Variants in TIGAR observed in about 807,000 individuals in gnomAD.
TIGAR encodes the protein TP53 induced glycolysis regulatory phosphatase, also known as fructose-2,6-bisphosphatase TIGAR.
In TIGAR, 7 loss-of-function variants were observed where a neutral mutation model predicts 17.9. The observed-to-expected ratio is 0.39, with a 90% CI of 0.22 to 0.73. The LOEUF is 0.73. Ranked by LOEUF, TIGAR falls within the 30% of genes least tolerant of loss-of-function variation. The pLI is 0.42. For missense variants in TIGAR, 258 were observed against 327.4 expected (o/e 0.79, Z 1.64); for synonymous variants, 94 against 108.6 (o/e 0.87, Z 0.84).
chr12:4,325,741 C>CA (rs11447841), intron 1 of TIGAR, among the ~76,000 whole-genome samples: 33,463 of 111,578 alleles, frequency 0.3, 4,753 homozygotes, highest in East Asian at 0.49. Context: ...AAACTCGTCT[C>CA]AAAAAAAAAA....
In TIGAR at chr12:4,357,965, C is replaced by G. The variant is rs560119934; in HGVS notation, c.*5274C>G. 9.9e-5 allele frequency among the ~76,000 whole-genome samples: 15 copies of G among 151,834 alleles called. No homozygotes were observed. The highest frequency in any genetic ancestry group is 3.9e-4 in the Admixed American group (6 of 15,234). ...GAAAAATAGAAAAAATTAGCCAGGC[C>G]TGGTGGCCGGCGCCTGTAGTCCCAG... On this transcript the variant is annotated 3_prime_UTR_variant, in exon 6 of 6. Coordinates refer to ENST00000179259, the MANE Select transcript of TIGAR (RefSeq NM_020375.3).
intron 3 of TIGAR, among the ~76,000 whole-genome samples, chr12:4,339,161 G>A (rs1212173310): frequency 6.6e-6 from 1 of 151,790 alleles, no homozygotes; most frequent in African/African-American, 2.4e-5. Flanking sequence ...AGACCTTTAG[G>A]TAGATTTAAC....
chr12:4,336,703 G>A (rs1204273945), intron 2 of TIGAR, among the ~76,000 whole-genome samples: 1 of 152,050 alleles, frequency 6.6e-6, no homozygotes, highest in Non-Finnish European at 1.5e-5. Flanking sequence ...TTAGATGATG[G>A]TCCTACCGCC....
intron 2 of TIGAR, 82 bp downstream of exon 2, chr12:4,331,399 G>A (rs890946310): frequency 7.7e-7 from 1 of 1,299,740 alleles, no homozygotes. Flanking sequence ...GTGGGGTGGG[G>A]TAGACTGGGG....
At chr12:4,346,622 G>A (rs921211943) in intron 3 of TIGAR, among the ~76,000 whole-genome samples, 9 of 152,090 alleles carry the variant, frequency 5.9e-5, no homozygotes, top group African/African-American at 2.2e-4. Context: ...GGGGGACGGG[G>A]GAGGGATAGC....
rs1184985005 is a variant in TIGAR, at chr12:4,355,836, CGA to C, written c.*3146_*3147del. ...TTATCCAGGATGGGCAGGGAGGACT[CGA>C]TGGTGTCAGCACTGAAGGATGTAAG... On this transcript the variant is annotated 3_prime_UTR_variant, in exon 6 of 6. Coordinates refer to ENST00000179259, the MANE Select transcript of TIGAR (RefSeq NM_020375.3). Among the ~76,000 whole-genome samples the C allele has an allele frequency of 6.6e-6, 1 of 152,026 alleles. No individual in the cohort carries two copies. Among genetic ancestry groups the C allele is most frequent in the African/African-American group, 2.4e-5 (1 of 41,358 alleles).
intron 1 of TIGAR, among the ~76,000 whole-genome samples, chr12:4,326,532 A>G (rs886196124): frequency 6.6e-6 from 1 of 152,186 alleles, no homozygotes; most frequent in Non-Finnish European, 1.5e-5. Flanking sequence ...GCCAAATAGA[A>G]CTAAACTGAA....
chr12:4,344,466 A>G (rs1030426381), intron 3 of TIGAR, among the ~76,000 whole-genome samples: 4 of 152,228 alleles, frequency 2.6e-5, no homozygotes, highest in Admixed American at 2.0e-4. Context: ...CATTGATGCA[A>G]AAATCCTCAA....
chr12:4,327,674 G>T (rs1034797254), intron 1 of TIGAR, among the ~76,000 whole-genome samples: 5 of 152,156 alleles, frequency 3.3e-5, no homozygotes, highest in African/African-American at 1.2e-4. Flanking sequence ...TAAATTAAGG[G>T]CTACAAGCCA....
At chr12:4,332,161 C>G (rs1489065258) in intron 2 of TIGAR, among the ~76,000 whole-genome samples, 1 of 151,730 alleles carries the variant, frequency 6.6e-6, no homozygotes, top group Non-Finnish European at 1.5e-5. Context: ...GTGTTCTTTT[C>G]CTGACCTTGT....
intron 3 of TIGAR, among the ~76,000 whole-genome samples, chr12:4,339,321 G>C (rs2120671536): frequency 6.6e-6 from 1 of 152,242 alleles, no homozygotes; most frequent in African/African-American, 2.4e-5. Flanking sequence ...CAAATTCCTA[G>C]ACACGTGCAA....
chr12:4,324,345 A>G (rs1429459677), intron 1 of TIGAR: 3 of 769,432 alleles, frequency 3.9e-6, no homozygotes, highest in Non-Finnish European at 4.3e-6. Context: ...TTTTTTGGAA[A>G]TATGTGTGCC....
chr12:4,331,077 T>C (rs1864598966), intron 1 of TIGAR, among the ~76,000 whole-genome samples: 1 of 152,258 alleles, frequency 6.6e-6, no homozygotes, highest in Non-Finnish European at 1.5e-5. Flanking sequence ...TTGGAGTAGT[T>C]TGAAATTCTT....
At chr12:4,351,173 C>A in intron 4 of TIGAR, 94 bp from the exon 5 acceptor site, 1 of 1,122,252 alleles carries the variant, frequency 8.9e-7, no homozygotes, top group Non-Finnish European at 1.3e-6. Flanking sequence ...TTAGCTTATT[C>A]CTGGGATGAA....
rs1439472380 is a variant in TIGAR, at chr12:4,337,108, A to G, written c.140A>G (p.Asn47Ser). 2.5e-6 allele frequency: 4 copies of G among 1,613,776 alleles called. No homozygotes were observed. Among genetic ancestry groups the G allele is most frequent in the East Asian group, 2.2e-5 (1 of 44,876 alleles). The change falls in exon 3 of 6, where the codon AAT becomes AGT. Residue 47 changes from asparagine (N) to serine (S), a missense_variant. Physicochemically the swap from Asn to Ser is conservative, Grantham distance 46 (BLOSUM62 1). Coordinates refer to ENST00000179259, the MANE Select transcript of TIGAR (RefSeq NM_020375.3). ...KQAAAAGIFL[N>S]NVKFTHAFSS... The stretch of plus-strand genomic sequence containing the variant: ...GCAGCAGCTGCTGGTATATTTCTGA[A>G]TAATGTGAAGTTTACTCATGCTTTC...
intron 2 of TIGAR, among the ~76,000 whole-genome samples, chr12:4,332,121 C>T (rs1864609235): frequency 6.6e-6 from 1 of 151,766 alleles, no homozygotes; most frequent in Non-Finnish European, 1.5e-5. Context: ...TTTCCTAAGA[C>T]ATTGACAATG....
intron 5 of TIGAR, 101 bp from the exon 6 acceptor site, chr12:4,352,159 A>G (rs1864843444): frequency 2.1e-6 from 2 of 938,882 alleles, no homozygotes. Context: ...AGTACTTGGC[A>G]TTCAATATTA....
chr12:4,322,083 G>C (rs1323274965), intron 1 of TIGAR, among the ~76,000 whole-genome samples: 1 of 151,952 alleles, frequency 6.6e-6, no homozygotes, highest in Non-Finnish European at 1.5e-5. Flanking sequence ...GCAACCTCCC[G>C]CCTCCGGGGT....
At chr12:4,326,567 T>G (rs1019548613) in intron 1 of TIGAR, among the ~76,000 whole-genome samples, 1 of 152,240 alleles carries the variant, frequency 6.6e-6, no homozygotes, top group Non-Finnish European at 1.5e-5. Context: ...ATAATACTAT[T>G]GAGTCTACAG....
Sources: gnomAD v4.1 joint callset for allele counts (sites outside exome capture counted in the v4.1 genomes callset) on GRCh38, gnomAD v4.1.1 for gene constraint, MANE v1.5 for transcripts, NCBI Gene and HGNC (gene_info 2026-07-23, HGNC 2026-07-21) for gene names.